The following RSRC2 variants were observed in gnomAD, a reference collection of about 807,000 sequenced individuals.
The protein encoded by RSRC2 is arginine and serine rich coiled-coil 2, also known as arginine/serine-rich coiled-coil protein 2.
A neutral mutation model predicts 61.3 loss-of-function variants in RSRC2; 5 were observed. The observed-to-expected ratio is 0.08, with a 90% CI of 0.04 to 0.17. RSRC2 has a LOEUF of 0.17. RSRC2 is among the 10% of genes least tolerant of loss of function. RSRC2 has a pLI of 1.00. For missense variants in RSRC2, 381 were observed against 518.8 expected, an observed-to-expected ratio of 0.73 and a Z score of 2.58; for synonymous variants, 202 against 166.5, an observed-to-expected ratio of 1.21 and a Z score of -1.64.
At chr12:122,514,771 T>C in intron 6 of RSRC2, 1 of 1,081,290 alleles carries the variant, frequency 9.2e-7, no homozygotes, top group South Asian at 1.5e-5. Flanking sequence ...AAAGTCATCT[T>C]AGATGAGAAA....
chr12:122,525,812 T>TCTCGGAC (rs1565912197), intron 1 of RSRC2, among the ~76,000 whole-genome samples: 1 of 6,340 alleles, frequency 1.6e-4, no homozygotes, highest in Admixed American at 9.1e-4. Flanking sequence ...TTTTTTTTTT[T>TCTCGGAC]TTTTTTTTTT....
At chr12:122,509,455 AAAAAACAAAAAC>A (rs752449483) in intron 7 of RSRC2, among the ~76,000 whole-genome samples, 1 of 151,886 alleles carries the variant, frequency 6.6e-6, no homozygotes, top group African/African-American at 2.4e-5. Flanking sequence ...GTCTCAAAAA[AAAAAACAAAAAC>A]AAAAACAAAA....
intron 3 of RSRC2, chr12:122,520,386 T>G: frequency 1.7e-6 from 1 of 601,912 alleles, no homozygotes; most frequent in South Asian, 1.5e-5. Context: ...GTTTTAAAGT[T>G]TATTTCAAAC....
At chr12:122,524,578 C>T (rs1168117823) in intron 1 of RSRC2, among the ~76,000 whole-genome samples, 1 of 152,132 alleles carries the variant, frequency 6.6e-6, no homozygotes, top group African/African-American at 2.4e-5. Flanking sequence ...GAGAAACCTC[C>T]CTGTGACATA....
intron 7 of RSRC2, among the ~76,000 whole-genome samples, chr12:122,510,356 C>G (rs1958407259): frequency 6.6e-6 from 1 of 151,850 alleles, no homozygotes; most frequent in African/African-American, 2.4e-5. Flanking sequence ...ACGGTGAAAC[C>G]CCGTCTCTAC....
In RSRC2 at chr12:122,522,312, A is replaced by G; in HGVS notation, c.7-13T>C. 1 of 1,574,668 alleles carries G rather than the reference A, an allele frequency of 6.4e-7. No homozygotes were observed. Among genetic ancestry groups the G allele is most frequent in the Non-Finnish European group, 8.6e-7 (1 of 1,166,942 alleles). On this transcript the variant is annotated splice_polypyrimidine_tract_variant and intron_variant, in intron 1 of 9. Transcript: ENST00000331738. ...CTGTATCACTAGCCTAAAAGTTTAA[A>G]AACAAATGATTAAAGTTCTTAATTA...
Position 122,504,342 on chromosome 12 carries a change from T to C in RSRC2, c.*1185A>G, listed in dbSNP as rs1958004279. The stretch of plus-strand genomic sequence containing the variant: ...TGTTCAATCTAGTAACAAAACATTT[T>C]CTAGGCTGGCTGCAGTGGCTCACGC... On this transcript the variant is annotated 3_prime_UTR_variant, in exon 10 of 10. Transcript: ENST00000331738. The C allele has an allele frequency of 6.6e-6, 1 of 152,192 alleles. No individual in the cohort carries two copies. The highest frequency in any genetic ancestry group is 2.1e-4 in the South Asian group (1 of 4,826). The allele number at this position is 152,192 out of a possible 1,614,324, so 9.4% of individuals were successfully genotyped here. A position where few individuals can be genotyped will look rare whatever the true frequency, so the allele number is the denominator to read the frequency against.
At position 122,505,491 on chromosome 12, in the gene RSRC2, GTCTA is replaced by G. The variant is rs1958058304; in HGVS notation, c.*32_*35del. ...CAAGGACGTGACATCAGAACAAGAA[GTCTA>G]TAAGTCCCAAACTTTACAAGTGTGA... On this transcript the variant is annotated 3_prime_UTR_variant, in exon 10 of 10. Transcript: ENST00000331738. 7 of 1,593,864 alleles carry G rather than the reference GTCTA, an allele frequency of 4.4e-6. No individual in the cohort carries two copies. In the East Asian group the frequency reaches 1.6e-4, roughly 36 times the overall value.
At position 122,511,179 on chromosome 12, in the gene RSRC2, C is replaced by T. The variant is rs200888450; in HGVS notation, c.735G>A (p.Arg245=). ...CTCGCTGTTCTTGTAATTTCTTTGC[C>T]CTTTCCAACCTGCAAAATTAATTTC... ...AQEALARRLE[R]AKKLQEQREK... is the part of the protein sequence containing the mutation. The change falls in exon 7 of 10, where the codon AGG becomes AGA. Residue 245 remains arginine (R), a synonymous_variant. Coordinates refer to ENST00000331738, the MANE Select transcript of RSRC2 (RefSeq NM_023012.6). 177 of 1,605,074 alleles carry T rather than the reference C, an allele frequency of 1.1e-4. 3 individuals carry two copies. Among genetic ancestry groups the T allele is most frequent in the Non-Finnish European group, 2.2e-5 (26 of 1,177,786 alleles).
intron 9 of RSRC2, among the ~76,000 whole-genome samples, chr12:122,505,930 C>T (rs1383109567): frequency 6.6e-6 from 1 of 152,098 alleles, no homozygotes; most frequent in African/African-American, 2.4e-5. Flanking sequence ...AGGCACATGC[C>T]ACCACGCCCA....
At chr12:122,516,570 C>T (rs1253749257) in intron 5 of RSRC2, among the ~76,000 whole-genome samples, 1 of 152,216 alleles carries the variant, frequency 6.6e-6, no homozygotes, top group Non-Finnish European at 1.5e-5. Flanking sequence ...CATGGTTCTT[C>T]TGAGAACTAG....
At position 122,508,005 on chromosome 12, in the gene RSRC2, T is replaced by C. The variant is rs897079716; in HGVS notation, c.1035+213A>G. ...TTTCAGTAGAGACAGGGTTTTGCCA[T>C]GTTGGCCAGGCTGGTCTTGGACTCC... On this transcript the variant is annotated intron_variant, in intron 8 of 9. Coordinates refer to ENST00000331738, the MANE Select transcript of RSRC2 (RefSeq NM_023012.6). 27 of 603,732 alleles carry C rather than the reference T, an allele frequency of 4.5e-5. No homozygotes were observed. In the East Asian group the frequency reaches 6.6e-4, roughly 15 times the overall value. 37.4% of individuals were successfully genotyped at this position (603,732 alleles called of 1,614,324 possible).
At chr12:122,515,897 G>A (rs1465639833) in intron 5 of RSRC2, among the ~76,000 whole-genome samples, 1 of 152,070 alleles carries the variant, frequency 6.6e-6, no homozygotes, top group African/African-American at 2.4e-5. Flanking sequence ...GCTGAGGCAG[G>A]AAAATCGCTT....
In RSRC2 at chr12:122,505,485, CAAG is replaced by C. The variant is rs776423338; in HGVS notation, c.*39_*41del. 46 of 1,580,858 alleles carry C rather than the reference CAAG, an allele frequency of 2.9e-5. No homozygotes were observed. In the Admixed American group the frequency reaches 3.1e-4, roughly 11 times the overall value. ...GGTGAACAAGGACGTGACATCAGAA[CAAG>C]AAGTCTATAAGTCCCAAACTTTACA... On this transcript the variant is annotated 3_prime_UTR_variant, in exon 10 of 10. Transcript: ENST00000331738.
At chr12:122,506,990 A>T (rs566057037) in intron 8 of RSRC2, 67 bp from the exon 9 acceptor site, 1 of 833,108 alleles carries the variant, frequency 1.2e-6, no homozygotes, top group East Asian at 2.6e-5. Context: ...GAAATCTCTC[A>T]ACAATGTCTA....
In RSRC2 at chr12:122,526,896, C is replaced by T. The variant is rs1960630935; in HGVS notation, c.-43G>A. 1.2e-6 allele frequency: 2 copies of T among 1,612,958 alleles called. No individual in the cohort carries two copies. The highest frequency in any genetic ancestry group is 2.2e-5 in the East Asian group (1 of 44,894). ...GCTAGAGCGGCGCCTCCACTTGTCGCTTTCAACAGTACCGGCCGCTCCGAA... is the reference window on the plus strand; with the variant it reads ...GCTAGAGCGGCGCCTCCACTTGTCGTTTTCAACAGTACCGGCCGCTCCGAA... On this transcript the variant is annotated 5_prime_UTR_variant, in exon 1 of 10. Transcript: ENST00000331738.
chr12:122,519,243 A>G (rs1253854017), intron 3 of RSRC2: 4 of 495,976 alleles, frequency 8.1e-6, no homozygotes, highest in African/African-American at 5.8e-5. Flanking sequence ...CCTCCCCAAA[A>G]TATTTTCAAT....
chr12:122,519,160 T>TCTAG, intron 3 of RSRC2, 131 bp from the exon 4 acceptor site: 1 of 693,900 alleles, frequency 1.4e-6, no homozygotes, highest in Non-Finnish European at 2.4e-6. Context: ...AAAAAAAAGA[T>TCTAG]CTAGTTTCAC....
At chr12:122,524,155 A>G (rs1013980596) in intron 1 of RSRC2, among the ~76,000 whole-genome samples, 6 of 152,240 alleles carry the variant, frequency 3.9e-5, no homozygotes, top group African/African-American at 1.4e-4. Context: ...CTTGCTTAAA[A>G]TGATACTGCA....
Sources: allele counts gnomAD v4.1 joint callset (sites outside exome capture counted in the v4.1 genomes callset), GRCh38; gene constraint gnomAD v4.1.1; transcripts MANE v1.5; gene names NCBI Gene and HGNC (gene_info 2026-07-23, HGNC 2026-07-21).